NTM: variants seen among roughly 807,000 people sequenced by gnomAD.
NTM encodes neurotrimin.
Under a neutral mutation model 42.1 loss-of-function variants are expected in NTM, and 13 were observed. The ratio of observed to expected loss-of-function variants is 0.31; its 90% confidence interval spans 0.20 to 0.49. The LOEUF is 0.49. Ranked by LOEUF, NTM falls within the 20% of genes least tolerant of loss-of-function variation. The probability of loss-of-function intolerance (pLI) is 0.99; values close to 1 mark genes in which losing one functional copy is unlikely to be tolerated. For missense variants in NTM, 373 were observed against 452.8 expected, an observed-to-expected ratio of 0.82 and a Z score of 1.60; for synonymous variants, 187 against 179.2, an observed-to-expected ratio of 1.04 and a Z score of -0.35.
At chr11:132,008,622 T>C (rs1421029257) in intron 2 of NTM, among the ~76,000 whole-genome samples, 2 of 152,018 alleles carry the variant, frequency 1.3e-5, no homozygotes, top group African/African-American at 2.4e-5. Flanking sequence ...GTGAATCTTA[T>C]ACCTTTCCTC....
intron 1 of NTM, among the ~76,000 whole-genome samples, chr11:131,737,455 T>A (rs182781704): frequency 3.3e-4 from 50 of 152,338 alleles, no homozygotes; most frequent in Non-Finnish European, 6.3e-4. Context: ...AAACCATTCA[T>A]GTTATTTGTT....
intron 2 of NTM, among the ~76,000 whole-genome samples, chr11:131,982,078 A>G (rs1006685188): frequency 6.6e-6 from 1 of 152,002 alleles, no homozygotes; most frequent in East Asian, 1.9e-4. Context: ...ACACAACAAA[A>G]AACACTAAAA....
chr11:131,733,487 C>A (rs936875029), intron 1 of NTM, among the ~76,000 whole-genome samples: 2 of 146,476 alleles, frequency 1.4e-5, no homozygotes, highest in Non-Finnish European at 3.0e-5. Context: ...TCCTTCCTTC[C>A]TTCCTTCCTT....
At chr11:131,399,384 A>G (rs1200479396) in intron 1 of NTM, among the ~76,000 whole-genome samples, 3 of 152,118 alleles carry the variant, frequency 2.0e-5, no homozygotes, top group African/African-American at 7.2e-5. Flanking sequence ...TACAACCCAA[A>G]AGAAGAGTCT....
At chr11:131,797,094 A>G (rs192526437) in intron 1 of NTM, among the ~76,000 whole-genome samples, 160 of 152,358 alleles carry the variant, frequency 1.1e-3, no homozygotes, top group African/African-American at 3.7e-3. Flanking sequence ...CACAAAAAAG[A>G]TTTTGACTAA....
intron 1 of NTM, among the ~76,000 whole-genome samples, chr11:131,850,893 C>A (rs2045455957): frequency 6.6e-6 from 1 of 152,180 alleles, no homozygotes; most frequent in Admixed American, 6.5e-5. Flanking sequence ...TCTCAGATTT[C>A]TTTCAACAGA....
At chr11:132,183,189 G>A (rs2077839435) in intron 3 of NTM, among the ~76,000 whole-genome samples, 1 of 152,194 alleles carries the variant, frequency 6.6e-6, no homozygotes, top group Non-Finnish European at 1.5e-5. Flanking sequence ...CTCAGGGAAT[G>A]GTTATTCTAT....
chr11:131,527,828 T>A (rs771208855), intron 1 of NTM, among the ~76,000 whole-genome samples: 6 of 152,166 alleles, frequency 3.9e-5, no homozygotes, highest in Non-Finnish European at 7.3e-5. Context: ...TTCCAGGATT[T>A]AACAATCTGA....
chr11:132,090,613 T>C lies in NTM; in HGVS notation c.168-55669T>C, dbSNP rs2060264916. 2.0e-5 allele frequency among the ~76,000 whole-genome samples: 3 copies of C among 152,194 alleles called. 1 individual carries two copies. The South Asian group carries it at 6.2e-4, about 31-fold the overall frequency. Reference sequence around the variant, plus strand: ...TTCCCAGCTTGAGTTATTTCTCTTCTTTGACCTCACTGGAACCTAAAGCTC... The same window carrying C: ...TTCCCAGCTTGAGTTATTTCTCTTCCTTGACCTCACTGGAACCTAAAGCTC... On this transcript the variant is annotated intron_variant, in intron 2 of 8. Transcript: ENST00000683400.
intron 1 of NTM, among the ~76,000 whole-genome samples, chr11:131,901,537 A>C (rs1198477926): frequency 1.3e-5 from 2 of 152,068 alleles, no homozygotes; most frequent in African/African-American, 4.8e-5. Flanking sequence ...AAAAATATTA[A>C]ATTTGATTTG....
At chr11:131,506,578 C>T (rs571952554) in intron 1 of NTM, among the ~76,000 whole-genome samples, 22 of 152,310 alleles carry the variant, frequency 1.4e-4, no homozygotes, top group Middle Eastern at 3.4e-3. Flanking sequence ...CTGGGGGGCC[C>T]TCTGAGGGGT....
At position 131,899,820 on chromosome 11, in the gene NTM, G is replaced by T. The variant is rs114698065; in HGVS notation, c.83-11744G>T. Among the ~76,000 whole-genome samples the T allele has an allele frequency of 9.3e-3, 1,414 of 152,212 alleles. 25 individuals carry two copies. Among genetic ancestry groups the T allele is most frequent in the African/African-American group, 0.032 (1,331 of 41,506 alleles). On this transcript the variant is annotated intron_variant, in intron 1 of 8. Transcript: ENST00000683400. Reference sequence around the variant, plus strand: ...TAGCTAGAGTTTGGTCATTAAGTATGTGTTCACTCTATCCTTATACATCGT... The same window carrying T: ...TAGCTAGAGTTTGGTCATTAAGTATTTGTTCACTCTATCCTTATACATCGT...
At chr11:131,386,896 C>T (rs1943386069) in intron 1 of NTM, among the ~76,000 whole-genome samples, 1 of 152,188 alleles carries the variant, frequency 6.6e-6, no homozygotes. Context: ...TTAGGGCCAT[C>T]TCCCAAACAT....
chr11:131,665,456 A>G (rs1360593764), intron 1 of NTM, among the ~76,000 whole-genome samples: 2 of 152,176 alleles, frequency 1.3e-5, no homozygotes, highest in Admixed American at 6.5e-5. Flanking sequence ...GAGATACTTA[A>G]AGAGGTGATT....
intron 1 of NTM, among the ~76,000 whole-genome samples, chr11:131,377,426 G>A (rs938367995): frequency 2.0e-5 from 3 of 152,126 alleles, no homozygotes; most frequent in Non-Finnish European, 2.9e-5. Flanking sequence ...AAGATAAAAG[G>A]AGAATACCAG....
At chr11:132,268,666 CTCTCTG>C (rs765794059) in intron 4 of NTM, among the ~76,000 whole-genome samples, 12 of 88,046 alleles carry the variant, frequency 1.4e-4, no homozygotes, top group African/African-American at 4.6e-4. Flanking sequence ...TCCTCTCTCT[CTCTCTG>C]TGTGTGTGTG....
intron 1 of NTM, among the ~76,000 whole-genome samples, chr11:131,487,538 T>G (rs1266486164): frequency 6.6e-6 from 1 of 152,214 alleles, no homozygotes; most frequent in Admixed American, 6.5e-5. Flanking sequence ...GGTTAGGATT[T>G]AGAATTTGGA....
intron 1 of NTM, among the ~76,000 whole-genome samples, chr11:131,432,839 C>CCT (rs1565494793): frequency 5.8e-5 from 4 of 68,694 alleles, no homozygotes; most frequent in South Asian, 5.7e-4. Flanking sequence ...ATTTAGCATT[C>CCT]TTTTTTTTTT....
At chr11:131,388,360 T>C (rs1943575463) in intron 1 of NTM, among the ~76,000 whole-genome samples, 1 of 151,672 alleles carries the variant, frequency 6.6e-6, no homozygotes, top group South Asian at 2.1e-4. Flanking sequence ...TTTAAATTCC[T>C]GATCAACAAA....
Sources: gnomAD v4.1 joint callset for allele counts (sites outside exome capture counted in the v4.1 genomes callset) on GRCh38, gnomAD v4.1.1 for gene constraint, MANE v1.5 for transcripts, NCBI Gene and HGNC (gene_info 2026-07-23, HGNC 2026-07-21) for gene names.